KHNYN: variants seen among roughly 807,000 people sequenced by gnomAD.
The protein encoded by KHNYN is KH and NYN domain containing.
In KHNYN, 42 loss-of-function variants were observed where a neutral mutation model predicts 62.7. The ratio of observed to expected loss-of-function variants is 0.67; its 90% confidence interval spans 0.52 to 0.87. The LOEUF is 0.87. Among genes scored for constraint, KHNYN ranks in the 40% least tolerant of loss-of-function variants. The probability of loss-of-function intolerance (pLI) is 0.00; values close to 1 mark genes in which losing one functional copy is unlikely to be tolerated. For synonymous variants in KHNYN, 347 were observed against 345.6 expected (o/e 1.00, Z -0.04); for missense variants, 829 against 874.1 (o/e 0.95, Z 0.65).
In KHNYN at chr14:24,432,370, G is replaced by A; in HGVS notation, c.1109G>A (p.Cys370Tyr). 1 of 1,614,022 alleles carries A rather than the reference G, an allele frequency of 6.2e-7. No individual in the cohort carries two copies. The highest frequency in any genetic ancestry group is 8.5e-7 in the Non-Finnish European group (1 of 1,180,002). Reference protein sequence around the residue: ...PPPAPEPPWHCGDRGDCGDRG... With the variant: ...PPPAPEPPWHYGDRGDCGDRG... ...CCTGCACCGGAACCCCCATGGCACT[G>A]TGGAGACCGGGGTGACTGCGGAGAC... is the stretch of plus-strand genomic sequence containing the variant. The change falls in exon 3 of 8, where the codon TGT becomes TAT. Residue 370 changes from cysteine to tyrosine, a missense_variant. By Grantham distance (194) the Cys-to-Tyr change is radical (BLOSUM62 -2). Transcript: ENST00000553935. This position sits in a 1 kb window ranked among gnomAD's most constrained non-coding sequence, Gnocchi z 5.6.
Position 24,432,326 on chromosome 14 carries a change from G to C in KHNYN, c.1065G>C (p.Pro355=), listed in dbSNP as rs770622458. The change falls in exon 3 of 8, where the codon CCG becomes CCC. Residue 355 remains proline, a synonymous_variant. Coordinates refer to ENST00000553935, the MANE Select transcript of KHNYN (RefSeq NM_015299.3). The surrounding 1 kb of genome is among the most constrained non-coding windows in gnomAD (Gnocchi z 5.6). ...TCCACAATGGGAATGCCTCTCCTCC[G>C]AGGGTGCCCAGCCCTCCACCTGCAC... ...QRLHNGNASP[P]RVPSPPPAPE... 24 of 1,614,012 alleles carry C rather than the reference G, an allele frequency of 1.5e-5. No individual in the cohort carries two copies. The highest frequency in any genetic ancestry group is 2.2e-5 in the East Asian group (1 of 44,870).
At chr14:24,436,641 C>T in intron 7 of KHNYN, 152 bp downstream of exon 7, 4 of 602,858 alleles carry the variant, frequency 6.6e-6, no homozygotes, top group Non-Finnish European at 1.1e-5. Context: ...TATAAGCTTC[C>T]CAGGGGATCC....
upstream of KHNYN, chr14:24,429,132 A>C: frequency 7.1e-7 from 1 of 1,411,526 alleles, no homozygotes. Context: ...CTGGATTCTC[A>C]CCGCCGGCAC....
chr14:24,425,539 A>C (rs2043012056), upstream of KHNYN, among the ~76,000 whole-genome samples: 2 of 152,230 alleles, frequency 1.3e-5, no homozygotes, highest in South Asian at 4.1e-4. Flanking sequence ...AAGACAGAAG[A>C]CTGGGCTTTC....
chr14:24,431,777 G>A lies in KHNYN; in HGVS notation c.516G>A (p.Gly172=), dbSNP rs146260012. The change falls in exon 3 of 8, where the codon GGG becomes GGA. Residue 172 remains glycine (G), a synonymous_variant. Coordinates refer to ENST00000553935, the MANE Select transcript of KHNYN (RefSeq NM_015299.3). ...RDFSALLQSP[G]DAHREALLQL... ...TCTCTGCCCTGCTGCAGTCCCCGGG[G>A]GATGCCCATAGAGAGGCTCTGTTGC... 4.3e-5 allele frequency: 69 copies of A among 1,614,040 alleles called. No individual in the cohort carries two copies. Among genetic ancestry groups the A allele is most frequent in the Non-Finnish European group, 5.5e-5 (65 of 1,180,052 alleles).
upstream of KHNYN, chr14:24,428,546 G>T (rs1329488398): frequency 2.6e-6 from 3 of 1,156,390 alleles, no homozygotes; most frequent in Non-Finnish European, 3.6e-6. Flanking sequence ...AGATTCAAAA[G>T]AAATGGTGAG....
At position 24,439,979 on chromosome 14, in the gene KHNYN, C is replaced by CT. The variant is rs1267377271; in HGVS notation, c.*2695dup. 1.1e-6 allele frequency: 1 copy of CT among 932,838 alleles called. No homozygotes were observed. The highest frequency in any genetic ancestry group is 2.6e-5 in the East Asian group (1 of 37,982). 57.8% of individuals were successfully genotyped at this position (932,838 alleles called of 1,614,324 possible). ...TGGGAAAGAGGACTGGGAGAGGAAT[C>CT]TAAGAACCAGATGGCTTCAGCTCTC... On this transcript the variant is annotated 3_prime_UTR_variant, in exon 8 of 8. Coordinates refer to ENST00000553935, the MANE Select transcript of KHNYN (RefSeq NM_015299.3).
upstream of KHNYN, among the ~76,000 whole-genome samples, chr14:24,425,707 A>C (rs1017458272): frequency 6.6e-6 from 1 of 152,226 alleles, no homozygotes; most frequent in Non-Finnish European, 1.5e-5. Flanking sequence ...TTAATATCTC[A>C]TTATAATTAG....
At position 24,431,954 on chromosome 14, in the gene KHNYN, C is replaced by G. The variant is rs1156455768; in HGVS notation, c.693C>G (p.Gly231=). The part of the protein sequence containing the change: ...CQGVRAPPSD[G]RESLDTGSMG... The stretch of plus-strand genomic sequence containing the variant: ...GAGTGAGAGCTCCCCCTAGTGACGG[C>G]AGGGAGTCCCTGGACACTGGATCTA... Residue 231 remains glycine (G), a synonymous_variant, in exon 3 of 8, where the codon GGC becomes GGG. Transcript: ENST00000553935. 16 of 1,613,162 alleles carry G rather than the reference C, an allele frequency of 9.9e-6. No homozygotes were observed. Among genetic ancestry groups the G allele is most frequent in the Non-Finnish European group, 1.4e-5 (16 of 1,179,378 alleles).
intron 5 of KHNYN, chr14:24,435,674 A>G: frequency 4.7e-6 from 1 of 211,522 alleles, no homozygotes; most frequent in Non-Finnish European, 9.5e-6. Flanking sequence ...AACGAGGCAC[A>G]AAGTGTTGGG....
chr14:24,436,159 G>A lies in KHNYN; in HGVS notation c.1665G>A (p.Trp555Ter). The A allele has an allele frequency of 1.2e-6, 2 of 1,613,834 alleles. No homozygotes were observed. Among genetic ancestry groups the A allele is most frequent in the African/African-American group, 1.3e-5 (1 of 75,060 alleles). The stretch of plus-strand genomic sequence containing the variant: ...ACCTGGCGGAGGAGTCTGAGAAGTG[G>A]ATGGCAATCATCAGAGAACGGTGAG... ...FRDLAEESEK[W>*]MAIIRERLLP... is the part of the protein sequence containing the mutation. The change falls in exon 6 of 8, where the codon TGG becomes TGA. Residue 555 changes from tryptophan to a stop codon, truncating the protein, a stop_gained. Transcript: ENST00000553935. LOFTEE classifies it high-confidence loss of function.
At chr14:24,425,919 C>T (rs1477982896), upstream of KHNYN, among the ~76,000 whole-genome samples, 1 of 152,222 alleles carries the variant, frequency 6.6e-6, no homozygotes, top group Non-Finnish European at 1.5e-5. Flanking sequence ...TGGAATTATT[C>T]ACAGTTCTCT....
At chr14:24,428,583 G>A (rs1292409294), upstream of KHNYN, among the ~76,000 whole-genome samples, 1 of 152,080 alleles carries the variant, frequency 6.6e-6, no homozygotes. Flanking sequence ...GCTGCGTATG[G>A]GTGGAGGGAG....
chr14:24,435,945 T>G (rs974278054), intron 5 of KHNYN, 127 bp from the exon 6 acceptor site: 1 of 718,822 alleles, frequency 1.4e-6, no homozygotes, highest in African/African-American at 1.8e-5. Flanking sequence ...AATACAGTTT[T>G]GCTACATAGA....
intron 5 of KHNYN, among the ~76,000 whole-genome samples, chr14:24,435,021 G>A (rs953925172): frequency 2.6e-5 from 4 of 152,170 alleles, no homozygotes; most frequent in African/African-American, 9.7e-5. Flanking sequence ...AGACTGGGAT[G>A]GGTTGGATCT....
upstream of KHNYN, chr14:24,427,213 CTCCT>C (rs1054240754): frequency 7.8e-4 from 124 of 159,858 alleles, 2 homozygotes; most frequent in Middle Eastern, 9.7e-3. The surrounding 1 kb of genome is among the most constrained non-coding windows in gnomAD (Gnocchi z 4.4). Context: ...ACAATACACC[CTCCT>C]TCCTTCCTCA....
upstream of KHNYN, chr14:24,428,356 A>G (rs1169332222): frequency 6.2e-7 from 1 of 1,613,850 alleles, no homozygotes; most frequent in East Asian, 2.2e-5. Context: ...GACAGGGGCT[A>G]CGAAGGAGCC....
rs1424454916 is a variant in KHNYN at position 24,433,251 on chromosome 14, C to T, written c.1577+219C>T. ...CAACCATGTTTGTCTATTCATCATT[C>T]ATCAAACAAAATGATACCTTGTATT... is the stretch of plus-strand genomic sequence containing the variant. On this transcript the variant is annotated intron_variant, in intron 5 of 7. Coordinates refer to ENST00000553935, the MANE Select transcript of KHNYN (RefSeq NM_015299.3). 2.0e-5 allele frequency among the ~76,000 whole-genome samples: 3 copies of T among 152,198 alleles called. No homozygotes were observed. The East Asian group carries it at 5.8e-4, about 29-fold the overall frequency.
Position 24,432,006 on chromosome 14 carries a change from A to G in KHNYN, c.745A>G (p.Arg249Gly), listed in dbSNP as rs2043125918. ...GGGACCCGGAGATTGCAGGGGAGCA[A>G]GGGGAGACACTTACGCTGTGGAGAA... ...SMGPGDCRGARGDTYAVEKEG... is the reference protein window; with the variant it reads ...SMGPGDCRGAGGDTYAVEKEG... Residue 249 changes from arginine (R) to glycine (G), a missense_variant, in exon 3 of 8, where the codon AGG (arginine) becomes GGG (glycine). By Grantham distance (125) the Arg-to-Gly change is moderately radical. Coordinates refer to ENST00000553935, the MANE Select transcript of KHNYN (RefSeq NM_015299.3). The surrounding 1 kb of genome is among the most constrained non-coding windows in gnomAD (Gnocchi z 5.6). The G allele has an allele frequency of 1.9e-6, 3 of 1,610,840 alleles. No individual in the cohort carries two copies. In the African/African-American group the frequency reaches 4.0e-5, roughly 22 times the overall value.
Sources: gnomAD v4.1 joint callset for allele counts (sites outside exome capture counted in the v4.1 genomes callset) on GRCh38, gnomAD v4.1.1 for gene constraint, Gnocchi (gnomAD v3.1) non-coding constraint, MANE v1.5 for transcripts, NCBI Gene and HGNC (gene_info 2026-07-23, HGNC 2026-07-21) for gene names.